Variants in CARMIL1 observed in about 807,000 individuals in gnomAD.
CARMIL1 encodes capping protein regulator and myosin 1 linker 1.
Under a neutral mutation model 177.1 loss-of-function variants are expected in CARMIL1, and 90 were observed. That is an observed-to-expected ratio of 0.51 (90% confidence interval 0.43 to 0.61). The LOEUF is 0.61. CARMIL1 is among the 20% of genes least tolerant of loss of function. The pLI is 0.00. For missense variants in CARMIL1, 1,380 were observed against 1,667.0 expected (o/e 0.83, Z 3.00); for synonymous variants, 577 against 606.2 (o/e 0.95, Z 0.71).
In CARMIL1 at chr6:25,528,716, C is replaced by T. The variant is rs1807409666; in HGVS notation, c.1969-79C>T. 6 of 1,067,522 alleles carry T rather than the reference C, an allele frequency of 5.6e-6. No homozygotes were observed. In the South Asian group the frequency reaches 6.8e-5, roughly 12 times the overall value. 66.1% of individuals were successfully genotyped at this position (1,067,522 alleles called of 1,614,324 possible). A position where few individuals can be genotyped will look rare whatever the true frequency, so the allele number is the denominator to read the frequency against. ...TTCACGCTTCGGTTTTTAAGTTCGG[C>T]AACTGACTGTTTCACTTATACTTTA... On this transcript the variant is annotated intron_variant, in intron 23 of 36. Coordinates refer to ENST00000329474, the MANE Select transcript of CARMIL1 (RefSeq NM_017640.6).
chr6:25,613,260 G>GAA (rs1163933171), intron 36 of CARMIL1, among the ~76,000 whole-genome samples: 4 of 152,128 alleles, frequency 2.6e-5, no homozygotes, highest in African/African-American at 9.7e-5. Context: ...GAGATTCTTA[G>GAA]AATGACAGAG....
At chr6:25,319,532 T>G (rs1231969525) in intron 2 of CARMIL1, among the ~76,000 whole-genome samples, 1 of 152,010 alleles carries the variant, frequency 6.6e-6, no homozygotes, top group African/African-American at 2.4e-5. Flanking sequence ...GTCTTTTCAG[T>G]AGGGGAGGGC....
rs11962024 is a variant in CARMIL1, at chr6:25,609,975, A to G, written c.3848-75A>G. Reference sequence around the variant, plus strand: ...TTTTTTAAATGACTTATTTTTATATATAGATTTACCAGGCTTTATGTTCTT... The same window carrying G: ...TTTTTTAAATGACTTATTTTTATATGTAGATTTACCAGGCTTTATGTTCTT... On this transcript the variant is annotated intron_variant, in intron 35 of 36. Coordinates refer to ENST00000329474, the MANE Select transcript of CARMIL1 (RefSeq NM_017640.6). 5.5e-5 allele frequency: 76 copies of G among 1,390,894 alleles called. No individual in the cohort carries two copies. In the East Asian group the frequency reaches 1.8e-3, roughly 32 times the overall value. The allele number at this position is 1,390,894 out of a possible 1,614,324, so 86.2% of individuals were successfully genotyped here. A position where few individuals can be genotyped will look rare whatever the true frequency, so the allele number is the denominator to read the frequency against.
intron 5 of CARMIL1, among the ~76,000 whole-genome samples, chr6:25,446,169 G>A (rs1359652524): frequency 6.6e-6 from 1 of 152,210 alleles, no homozygotes; most frequent in Non-Finnish European, 1.5e-5. Flanking sequence ...TCAACTTAGA[G>A]TCACCAGCTG....
At chr6:25,517,489 G>A in intron 22 of CARMIL1, 74 bp downstream of exon 22, 1 of 1,155,654 alleles carries the variant, frequency 8.7e-7, no homozygotes, top group Non-Finnish European at 1.3e-6. Flanking sequence ...TACCTGTTGG[G>A]TAATAGAATC....
At chr6:25,374,317 A>G (rs1209631996) in intron 2 of CARMIL1, among the ~76,000 whole-genome samples, 1 of 152,108 alleles carries the variant, frequency 6.6e-6, no homozygotes, top group Non-Finnish European at 1.5e-5. Flanking sequence ...GTTAATTTCT[A>G]TGTATTTGTA....
rs59911299 is a variant in CARMIL1, at chr6:25,619,733, C to CT, written c.*178dup. The CT allele has an allele frequency of 8.1e-3, 758 of 93,242 alleles. 78 individuals are homozygous for CT. Among genetic ancestry groups the CT allele is most frequent in the African/African-American group, 0.014 (205 of 14,972 alleles). 5.8% of individuals were successfully genotyped at this position (93,242 alleles called of 1,614,324 possible). A position where few individuals can be genotyped will look rare whatever the true frequency, so the allele number is the denominator to read the frequency against. On this transcript the variant is annotated 3_prime_UTR_variant, in exon 37 of 37. Coordinates refer to ENST00000329474, the MANE Select transcript of CARMIL1 (RefSeq NM_017640.6). ...TTTCGCCCCCACCCCCATCCCCTGC[C>CT]TTTTTTTTTTTTTTTTTTTTTTTTT...
At chr6:25,530,429 C>T (rs1807636092) in intron 24 of CARMIL1, among the ~76,000 whole-genome samples, 1 of 151,998 alleles carries the variant, frequency 6.6e-6, no homozygotes, top group South Asian at 2.1e-4. Flanking sequence ...GCAGGAGAAT[C>T]GCTTGAACCT....
chr6:25,475,816 G>A (rs1417456671), intron 11 of CARMIL1, among the ~76,000 whole-genome samples: 1 of 152,182 alleles, frequency 6.6e-6, no homozygotes, highest in Non-Finnish European at 1.5e-5. Flanking sequence ...AGCCACATTA[G>A]ACAACTTGTC....
Position 25,619,689 on chromosome 6 carries a change from A to G in CARMIL1, c.*106A>G, listed in dbSNP as rs1378239253. 1.5e-6 allele frequency: 1 copy of G among 678,590 alleles called. No individual in the cohort carries two copies. The highest frequency in any genetic ancestry group is 4.7e-4 in the Middle Eastern group (1 of 2,114). The allele number at this position is 678,590 out of a possible 1,614,324, so 42.0% of individuals were successfully genotyped here. On this transcript the variant is annotated 3_prime_UTR_variant, in exon 37 of 37. Transcript: ENST00000329474. ...CCAGGCGTTCTTCTCTGGGTGCTTT[A>G]TTCTCTTCTTTTTCTTTATTTCGCC...
chr6:25,527,534 T>C (rs946007630), intron 23 of CARMIL1: 6 of 325,258 alleles, frequency 1.8e-5, no homozygotes, highest in Non-Finnish European at 3.0e-5. Flanking sequence ...GCCTGTCATA[T>C]ATTTCAAGCA....
intron 17 of CARMIL1, among the ~76,000 whole-genome samples, chr6:25,508,811 G>C (rs1805186154): frequency 6.6e-6 from 1 of 152,144 alleles, no homozygotes; most frequent in African/African-American, 2.4e-5. Context: ...AAGGGCCACA[G>C]CTTAGGAAAC....
intron 2 of CARMIL1, among the ~76,000 whole-genome samples, chr6:25,315,744 G>A (rs1445109046): frequency 6.6e-6 from 1 of 152,194 alleles, no homozygotes; most frequent in East Asian, 1.9e-4. Context: ...CAATATTCTA[G>A]GCTGTTAGTT....
At chr6:25,467,074 T>C (rs1180747627) in intron 9 of CARMIL1, among the ~76,000 whole-genome samples, 1 of 152,194 alleles carries the variant, frequency 6.6e-6, no homozygotes, top group Non-Finnish European at 1.5e-5. Flanking sequence ...ATTGGTTTAA[T>C]AAGTAGATGT....
At chr6:25,425,942 A>G (rs1796243658) in intron 3 of CARMIL1, among the ~76,000 whole-genome samples, 1 of 152,094 alleles carries the variant, frequency 6.6e-6, no homozygotes, top group Admixed American at 6.6e-5. Flanking sequence ...AGGACGGCTG[A>G]CTCTGGTAAG....
At position 25,530,459 on chromosome 6, in the gene CARMIL1, G is replaced by A. The variant is rs530990675; in HGVS notation, c.2067+1566G>A. On this transcript the variant is annotated intron_variant, in intron 24 of 36. Transcript: ENST00000329474. ...GAACCTGGAAGGTAGAGGTTGCAGT[G>A]AGCCAAGATTGTGCGAGACTCTGAC... Among the ~76,000 whole-genome samples, 14 of 152,208 alleles carry A rather than the reference G, an allele frequency of 9.2e-5. No homozygotes were observed. In the South Asian group the frequency reaches 2.3e-3, roughly 25 times the overall value.
intron 2 of CARMIL1, among the ~76,000 whole-genome samples, chr6:25,310,692 A>T (rs1222924487): frequency 6.6e-6 from 1 of 152,172 alleles, no homozygotes; most frequent in African/African-American, 2.4e-5. Flanking sequence ...GATTGGAGAG[A>T]TACAGGAGAG....
At chr6:25,485,794 T>A (rs565633264) in intron 12 of CARMIL1, among the ~76,000 whole-genome samples, 75 of 152,200 alleles carry the variant, frequency 4.9e-4, no homozygotes, top group African/African-American at 1.8e-3. Flanking sequence ...TATTTATTTA[T>A]TTTTTTAAAT....
chr6:25,373,930 C>T (rs1450826077), intron 2 of CARMIL1, among the ~76,000 whole-genome samples: 1 of 152,168 alleles, frequency 6.6e-6, no homozygotes, highest in Non-Finnish European at 1.5e-5. Context: ...CCTGGTTAAT[C>T]TAGCTAATCA....
Sources: gnomAD v4.1 joint callset for allele counts (sites outside exome capture counted in the v4.1 genomes callset) on GRCh38, gnomAD v4.1.1 for gene constraint, MANE v1.5 for transcripts, NCBI Gene and HGNC (gene_info 2026-07-23, HGNC 2026-07-21) for gene names.